Variants in SYT16 observed in about 807,000 individuals in gnomAD.
The protein encoded by SYT16 is synaptotagmin 16.
In SYT16, 42 loss-of-function variants were observed where a neutral mutation model predicts 61.4. The observed-to-expected ratio is 0.68, with a 90% confidence interval of 0.53 to 0.89. SYT16 has a LOEUF of 0.89. SYT16 is among the 40% of genes least tolerant of loss of function. The pLI is 0.00. For missense variants in SYT16, 804 were observed against 807.3 expected (o/e 1.00, Z 0.05); for synonymous variants, 314 against 302.3 (o/e 1.04, Z -0.40).
intron 3 of SYT16, among the ~76,000 whole-genome samples, chr14:62,046,861 G>A (rs1471335853): frequency 1.3e-5 from 2 of 152,176 alleles, no homozygotes; most frequent in African/African-American, 4.8e-5. Flanking sequence ...CTGTAGCCTT[G>A]TAGTATAGTT....
chr14:62,046,092 T>C (rs1189142764), intron 3 of SYT16, among the ~76,000 whole-genome samples: 4 of 152,212 alleles, frequency 2.6e-5, no homozygotes, highest in Non-Finnish European at 5.9e-5. Context: ...TTCCTATTTC[T>C]CCATATCCTC....
At chr14:61,828,082 CAG>C (rs1013387018) in intron 1 of SYT16, among the ~76,000 whole-genome samples, 62 of 152,270 alleles carry the variant, frequency 4.1e-4, no homozygotes, top group African/African-American at 1.4e-3. Context: ...GACGCAGACA[CAG>C]AGAGGATCAT....
intron 1 of SYT16, among the ~76,000 whole-genome samples, chr14:61,827,074 G>A (rs1156809535): frequency 6.7e-6 from 1 of 150,168 alleles, no homozygotes; most frequent in African/African-American, 2.5e-5. Flanking sequence ...GTATTCGGAG[G>A]TAGTGGAGTC....
intron 1 of SYT16, among the ~76,000 whole-genome samples, chr14:61,889,089 G>A (rs2048025064): frequency 2.6e-5 from 4 of 152,118 alleles, no homozygotes; most frequent in Admixed American, 2.6e-4. Flanking sequence ...TTTATTCAAG[G>A]GAGGCATGGT....
At chr14:61,942,991 T>C (rs1278751123) in intron 1 of SYT16, among the ~76,000 whole-genome samples, 1 of 151,930 alleles carries the variant, frequency 6.6e-6, no homozygotes, top group Admixed American at 6.6e-5. Context: ...CTAGCCAGAC[T>C]AATAAAGAAG....
intron 1 of SYT16, chr14:61,832,161 C>T (rs1449670463): frequency 1.4e-6 from 1 of 693,890 alleles, no homozygotes; most frequent in Non-Finnish European, 2.7e-6. Context: ...GCGGTTGCTC[C>T]AGGAGGCCTT....
At chr14:61,889,468 T>A (rs553137854) in intron 1 of SYT16, among the ~76,000 whole-genome samples, 1 of 152,252 alleles carries the variant, frequency 6.6e-6, no homozygotes, top group South Asian at 2.1e-4. Flanking sequence ...AGGGAATGGA[T>A]CCCTCATGAC....
intron 1 of SYT16, among the ~76,000 whole-genome samples, chr14:61,881,213 C>T (rs928768647): frequency 1.3e-5 from 2 of 152,178 alleles, no homozygotes; most frequent in East Asian, 3.8e-4. Flanking sequence ...CAGTAACATA[C>T]AAATGTGCTT....
intron 1 of SYT16, among the ~76,000 whole-genome samples, chr14:61,859,319 C>T (rs867015482): frequency 1.3e-5 from 2 of 151,980 alleles, no homozygotes; most frequent in African/African-American, 2.4e-5. Context: ...CAGTAAAGAG[C>T]GACAAGATGG....
At chr14:62,023,721 A>G (rs2140769935) in intron 3 of SYT16, among the ~76,000 whole-genome samples, 1 of 152,244 alleles carries the variant, frequency 6.6e-6, no homozygotes, top group South Asian at 2.1e-4. Context: ...TTGTTCAAAC[A>G]ATTGTGTATA....
intron 1 of SYT16, among the ~76,000 whole-genome samples, chr14:61,913,704 TTGTGTG>T (rs56758661): frequency 2.7e-5 from 4 of 145,754 alleles, no homozygotes; most frequent in Non-Finnish European, 6.0e-5. Flanking sequence ...CTTTGGGTCT[TTGTGTG>T]TGTGTGTGTG....
At chr14:61,887,276 A>G (rs1165535277) in intron 1 of SYT16, among the ~76,000 whole-genome samples, 1 of 152,192 alleles carries the variant, frequency 6.6e-6, no homozygotes, top group Non-Finnish European at 1.5e-5. Context: ...AAACCATTCT[A>G]TAAACAGATA....
chr14:61,976,373 G>T (rs1033668834), intron 2 of SYT16, among the ~76,000 whole-genome samples: 5 of 152,180 alleles, frequency 3.3e-5, no homozygotes, highest in Non-Finnish European at 7.3e-5. Context: ...TGCCCCAGTG[G>T]GGACCCTGTG....
At chr14:62,094,311 A>T (rs1258971516) in intron 7 of SYT16, among the ~76,000 whole-genome samples, 10 of 152,066 alleles carry the variant, frequency 6.6e-5, no homozygotes, top group Admixed American at 4.6e-4. Flanking sequence ...GCCAGGGCTG[A>T]ATTTCTGTAT....
chr14:61,929,271 C>T (rs557593441), intron 1 of SYT16, among the ~76,000 whole-genome samples: 2 of 152,168 alleles, frequency 1.3e-5, no homozygotes, highest in African/African-American at 4.8e-5. Flanking sequence ...ACTAGAAAAA[C>T]CCTGTTGGAG....
chr14:62,076,180 C>T lies in SYT16; in HGVS notation c.993+789C>T, dbSNP rs1420803323. Among the ~76,000 whole-genome samples, 3 of 152,094 alleles carry T rather than the reference C, an allele frequency of 2.0e-5. No individual in the cohort carries two copies. In the East Asian group the frequency reaches 5.8e-4, roughly 29 times the overall value. On this transcript the variant is annotated intron_variant, in intron 5 of 7. Transcript: ENST00000683842. ...ACCAAATTGTTTCCTTTTACTGGCC[C>T]TTACGGTTATTTTTCCATTAGATAG...
intron 3 of SYT16, among the ~76,000 whole-genome samples, chr14:62,018,930 T>C (rs1303252487): frequency 6.6e-6 from 1 of 152,250 alleles, no homozygotes; most frequent in African/African-American, 2.4e-5. Flanking sequence ...TGCCCCTGCA[T>C]CTGCGCTTGC....
chr14:61,930,148 C>T (rs1308629953), intron 1 of SYT16, among the ~76,000 whole-genome samples: 2 of 152,062 alleles, frequency 1.3e-5, no homozygotes, highest in Non-Finnish European at 2.9e-5. Flanking sequence ...GCAGGCTTTT[C>T]TGTTCTTTCC....
chr14:61,946,757 C>T (rs185465724), intron 1 of SYT16, among the ~76,000 whole-genome samples: 3 of 152,094 alleles, frequency 2.0e-5, no homozygotes, highest in Admixed American at 2.0e-4. Flanking sequence ...TTCTGTGGGG[C>T]AGAGGAGGGC....
Sources: allele counts gnomAD v4.1 joint callset (sites outside exome capture counted in the v4.1 genomes callset), GRCh38; gene constraint gnomAD v4.1.1; transcripts MANE v1.5; gene names NCBI Gene and HGNC (gene_info 2026-07-23, HGNC 2026-07-21).